DTD1: variants seen among roughly 807,000 people sequenced by gnomAD.
The protein encoded by DTD1 is D-aminoacyl-tRNA deacylase 1, also known as D-tyrosyl-tRNA deacylase 1 homolog.
DTD1 carries 13 observed loss-of-function variants against 25.6 expected under a neutral mutation model. The observed-to-expected ratio is 0.51, with a 90% CI of 0.33 to 0.81. DTD1 has a LOEUF of 0.81. Among genes scored for constraint, DTD1 ranks in the 30% least tolerant of loss-of-function variants. DTD1 has a pLI of 0.02. For missense variants in DTD1, 193 were observed against 266.4 expected (o/e 0.72, Z 1.92); for synonymous variants, 110 against 103.6 (o/e 1.06, Z -0.37).
At chr20:18,645,714 G>C (rs1034939784) in intron 4 of DTD1, among the ~76,000 whole-genome samples, 2 of 152,146 alleles carry the variant, frequency 1.3e-5, no homozygotes, top group Admixed American at 1.3e-4. Flanking sequence ...TGGTACCTGG[G>C]TTATGGGTAA....
intron 4 of DTD1, among the ~76,000 whole-genome samples, chr20:18,640,081 C>T (rs1324196441): frequency 1.3e-5 from 2 of 148,210 alleles, no homozygotes; most frequent in Non-Finnish European, 3.0e-5. Context: ...TTCATGTTGT[C>T]CCTTTGCCCC....
chr20:18,721,060 C>T (rs981763434), intron 4 of DTD1, among the ~76,000 whole-genome samples: 2 of 152,078 alleles, frequency 1.3e-5, no homozygotes, highest in South Asian at 2.1e-4. Context: ...GCATGACAAC[C>T]GCTATGCCTT....
At position 18,672,986 on chromosome 20, in the gene DTD1, A is replaced by G. The variant is rs562746771; in HGVS notation, c.477+44753A>G. On this transcript the variant is annotated intron_variant, in intron 4 of 5. Coordinates refer to ENST00000377452, the MANE Select transcript of DTD1 (RefSeq NM_080820.6). ...GTCCAGCTGGGTTCTGCTTCATTCT[A>G]TGCATGGCGATACTGAGCACGGTGG... Among the ~76,000 whole-genome samples, 6 of 152,262 alleles carry G rather than the reference A, an allele frequency of 3.9e-5. No homozygotes were observed. The South Asian group carries it at 1.0e-3, about 26-fold the overall frequency.
intron 5 of DTD1, among the ~76,000 whole-genome samples, chr20:18,760,546 A>G (rs1396056239): frequency 6.6e-6 from 1 of 152,200 alleles, no homozygotes; most frequent in Non-Finnish European, 1.5e-5. Context: ...GCTGCAGAAC[A>G]GTGGATATTG....
intron 4 of DTD1, chr20:18,679,022 A>T (rs1316548940): frequency 6.6e-6 from 1 of 152,202 alleles, no homozygotes; most frequent in African/African-American, 2.4e-5. Flanking sequence ...CCCTGGGCTT[A>T]TGTCAGCAGC....
chr20:18,733,720 A>G (rs2061246631), intron 4 of DTD1, among the ~76,000 whole-genome samples: 1 of 152,232 alleles, frequency 6.6e-6, no homozygotes, highest in Non-Finnish European at 1.5e-5. Flanking sequence ...GAATTAGAAA[A>G]TGAAATTAGC....
rs538400101 is a variant in DTD1 at position 18,616,623 on chromosome 20, AAAAAG to A, written c.371-11494_371-11490del. On this transcript the variant is annotated intron_variant, in intron 3 of 5. Coordinates refer to ENST00000377452, the MANE Select transcript of DTD1 (RefSeq NM_080820.6). ...GGCAGCATAGCAAGACCCCATCTCT[AAAAAG>A]AAAAGAAAAAAAGAAAAAAAAAGAA... is the stretch of plus-strand genomic sequence containing the variant. Among the ~76,000 whole-genome samples the A allele has an allele frequency of 3.2e-3, 492 of 152,140 alleles. 4 individuals carry two copies. The highest frequency in any genetic ancestry group is 0.011 in the African/African-American group (477 of 41,498).
intron 4 of DTD1, among the ~76,000 whole-genome samples, chr20:18,673,041 CTG>C (rs2060956602): frequency 6.6e-6 from 1 of 152,168 alleles, no homozygotes; most frequent in Non-Finnish European, 1.5e-5. Flanking sequence ...CGCTCAGTAA[CTG>C]TTTATCGAAT....
At chr20:18,629,909 G>C (rs909012901) in intron 4 of DTD1, among the ~76,000 whole-genome samples, 1 of 151,946 alleles carries the variant, frequency 6.6e-6, no homozygotes, top group Non-Finnish European at 1.5e-5. Flanking sequence ...ACTGTCACGA[G>C]AACAGCAAGG....
chr20:18,713,007 C>T (rs1225857176), intron 4 of DTD1, among the ~76,000 whole-genome samples: 4 of 152,370 alleles, frequency 2.6e-5, no homozygotes, highest in East Asian at 1.9e-4. Context: ...CTCCCCTGTC[C>T]TGGGTTTCCA....
intron 4 of DTD1, among the ~76,000 whole-genome samples, chr20:18,688,836 G>A (rs1406715600): frequency 6.6e-6 from 1 of 152,094 alleles, no homozygotes; most frequent in Non-Finnish European, 1.5e-5. Context: ...AGAATATTGA[G>A]TAGGAAGCAG....
At chr20:18,708,170 T>TATATATATTTTATATATATATTATA (rs1201343698) in intron 4 of DTD1, among the ~76,000 whole-genome samples, 1 of 96,818 alleles carries the variant, frequency 1.0e-5, no homozygotes, top group Non-Finnish European at 2.0e-5. Flanking sequence ...TGTGTGTGTG[T>TATATATATTTTATATATATATTATA]GTATATATAT....
intron 4 of DTD1, among the ~76,000 whole-genome samples, chr20:18,686,230 C>T (rs1287613668): frequency 6.6e-6 from 1 of 152,242 alleles, no homozygotes; most frequent in Non-Finnish European, 1.5e-5. Flanking sequence ...ACATTTTCCC[C>T]ATTTGAAATA....
chr20:18,730,498 G>A (rs551168024), intron 4 of DTD1, among the ~76,000 whole-genome samples: 1 of 152,276 alleles, frequency 6.6e-6, no homozygotes, highest in East Asian at 1.9e-4. Context: ...TCAGTTTCAT[G>A]AATCATAAGT....
intron 4 of DTD1, among the ~76,000 whole-genome samples, chr20:18,676,031 T>C (rs1054310696): frequency 9.2e-5 from 14 of 152,206 alleles, no homozygotes; most frequent in Non-Finnish European, 1.9e-4. Context: ...AGACATATCA[T>C]AGTTTATTTA....
intron 4 of DTD1, among the ~76,000 whole-genome samples, chr20:18,709,503 G>T (rs373551214): frequency 6.6e-6 from 1 of 152,158 alleles, no homozygotes; most frequent in African/African-American, 2.4e-5. Flanking sequence ...TCCTAAAGGT[G>T]CAGGTCATGG....
At chr20:18,742,652 CT>C (rs1352343597) in intron 4 of DTD1, among the ~76,000 whole-genome samples, 2 of 152,178 alleles carry the variant, frequency 1.3e-5, no homozygotes, top group Non-Finnish European at 2.9e-5. Context: ...TGTCCCCCAT[CT>C]CACAGAAAAA....
chr20:18,742,235 GT>G (rs1214727933), intron 4 of DTD1, among the ~76,000 whole-genome samples: 1 of 152,168 alleles, frequency 6.6e-6, no homozygotes, highest in East Asian at 1.9e-4. Flanking sequence ...ATCCAGGGGA[GT>G]TTTCGGAGGA....
intron 5 of DTD1, 141 bp downstream of exon 5, chr20:18,744,412 G>A: frequency 1.1e-6 from 1 of 885,034 alleles, no homozygotes. Context: ...CTTCCAGGAT[G>A]GAGACAAAAG....
Sources: allele counts gnomAD v4.1 joint callset (sites outside exome capture counted in the v4.1 genomes callset), GRCh38; gene constraint gnomAD v4.1.1; transcripts MANE v1.5; gene names NCBI Gene and HGNC (gene_info 2026-07-23, HGNC 2026-07-21).